TECRL: variants seen among roughly 807,000 people sequenced by gnomAD.
TECRL encodes trans-2,3-enoyl-CoA reductase-like.
A neutral mutation model predicts 52.8 loss-of-function variants in TECRL; 63 were observed. The ratio of observed to expected loss-of-function variants is 1.19; its 90% confidence interval spans 0.97 to 1.47. The LOEUF (loss-of-function observed/expected upper bound fraction) is 1.47. Among genes scored for constraint, TECRL ranks in the 40% most tolerant of loss-of-function variants. The pLI is 0.00. For missense variants in TECRL, 482 were observed against 429.6 expected, an observed-to-expected ratio of 1.12 and a Z score of -1.08; for synonymous variants, 164 against 141.9, an observed-to-expected ratio of 1.16 and a Z score of -1.10.
intron 4 of TECRL, 104 bp from the exon 5 acceptor site, chr4:64,314,867 A>C (rs1663400625): frequency 1.3e-6 from 1 of 784,480 alleles, no homozygotes; most frequent in Admixed American, 2.5e-5. Context: ...TGAAACAGGT[A>C]GATTTTTTGT....
At chr4:64,399,393 AAAAG>A (rs1371355138) in intron 1 of TECRL, among the ~76,000 whole-genome samples, 3 of 152,352 alleles carry the variant, frequency 2.0e-5, no homozygotes, top group South Asian at 4.1e-4. Context: ...CATAGAAAAA[AAAAG>A]AGTTTTTTGA....
intron 2 of TECRL, among the ~76,000 whole-genome samples, chr4:64,371,677 C>G (rs1021340526): frequency 6.6e-6 from 1 of 151,682 alleles, no homozygotes; most frequent in East Asian, 1.9e-4. Flanking sequence ...CAGGCAGAAA[C>G]ATTTTTCTCA....
At chr4:64,281,448 A>G in intron 10 of TECRL, 26 bp downstream of exon 10, 1 of 1,362,300 alleles carries the variant, frequency 7.3e-7, no homozygotes, top group Non-Finnish European at 1.0e-6. Flanking sequence ...ATAGGATTCA[A>G]GCATTTACAT....
chr4:64,296,750 CT>C (rs1723708509), intron 8 of TECRL, among the ~76,000 whole-genome samples: 1 of 151,360 alleles, frequency 6.6e-6, no homozygotes, highest in Non-Finnish European at 1.5e-5. Flanking sequence ...TATTTGTTGG[CT>C]TTTGGGTGGA....
intron 1 of TECRL, among the ~76,000 whole-genome samples, chr4:64,402,915 T>C (rs1322692972): frequency 6.6e-6 from 1 of 152,122 alleles, no homozygotes; most frequent in African/African-American, 2.4e-5. Context: ...TAAATCACTC[T>C]GCCTAAAGTA....
chr4:64,386,766 T>C (rs575710497), intron 1 of TECRL, among the ~76,000 whole-genome samples: 34 of 152,316 alleles, frequency 2.2e-4, no homozygotes, highest in Middle Eastern at 6.8e-3. Context: ...CGTTATTTTA[T>C]AATAGGCTTC....
chr4:64,367,516 G>A (rs1721681441), intron 2 of TECRL, among the ~76,000 whole-genome samples: 1 of 151,696 alleles, frequency 6.6e-6, no homozygotes, highest in Admixed American at 6.6e-5. Flanking sequence ...AATACAAAAA[G>A]TGTCATATAT....
At chr4:64,294,819 T>A (rs1723589152) in intron 8 of TECRL, among the ~76,000 whole-genome samples, 1 of 151,962 alleles carries the variant, frequency 6.6e-6, no homozygotes, top group Non-Finnish European at 1.5e-5. Flanking sequence ...TGAATCAATA[T>A]TTCAAAAATA....
intron 2 of TECRL, among the ~76,000 whole-genome samples, chr4:64,343,572 GCA>G (rs1169630784): frequency 1.3e-5 from 2 of 150,822 alleles, no homozygotes; most frequent in African/African-American, 4.9e-5. Context: ...AGATAAACAT[GCA>G]CACACACACA....
intron 2 of TECRL, among the ~76,000 whole-genome samples, chr4:64,373,524 T>C (rs1722127206): frequency 6.6e-6 from 1 of 151,832 alleles, no homozygotes; most frequent in Admixed American, 6.6e-5. Flanking sequence ...AGATTTCAAG[T>C]AATTGTTATG....
At chr4:64,304,787 T>A (rs1724230225) in intron 7 of TECRL, 1 of 152,996 alleles carries the variant, frequency 6.5e-6, no homozygotes, top group Non-Finnish European at 1.5e-5. Flanking sequence ...TTGGCCCTAT[T>A]TTTTGTTGAA....
At chr4:64,301,279 A>T (rs1292592802) in intron 7 of TECRL, among the ~76,000 whole-genome samples, 1 of 151,238 alleles carries the variant, frequency 6.6e-6, no homozygotes, top group African/African-American at 2.4e-5. Flanking sequence ...ACATTTTTAT[A>T]ATATTTGATA....
Position 64,314,695 on chromosome 4 carries a change from T to A in TECRL, c.504A>T (p.Ile168=), listed in dbSNP as rs202210809. 1 of 1,613,680 alleles carries A rather than the reference T, an allele frequency of 6.2e-7. No homozygotes were observed. The highest frequency in any genetic ancestry group is 2.2e-5 in the East Asian group (1 of 44,826). Residue 168 remains isoleucine (I), a synonymous_variant, in exon 5 of 12, where the codon ATA becomes ATT. Coordinates refer to ENST00000381210, the MANE Select transcript of TECRL (RefSeq NM_001010874.5). The part of the protein sequence containing the change: ...YLLFYLRIPC[I]YDGKESARRL... The stretch of plus-strand genomic sequence containing the variant: ...TTCTAGCACTCTCTTTTCCATCATA[T>A]ATACATGGGATCCTCAAATAAAAGA...
chr4:64,376,174 C>T (rs1233075061), intron 1 of TECRL, among the ~76,000 whole-genome samples: 1 of 151,832 alleles, frequency 6.6e-6, no homozygotes, highest in African/African-American at 2.4e-5. Flanking sequence ...AGTATAACAA[C>T]AAATACATTT....
rs148513076 is a variant in TECRL at position 64,295,659 on chromosome 4, C to T, written c.774+4315G>A. Among the ~76,000 whole-genome samples the T allele has an allele frequency of 8.2e-4, 125 of 151,838 alleles. 1 individual carries two copies. The highest frequency in any genetic ancestry group is 2.8e-3 in the African/African-American group (115 of 41,548). On this transcript the variant is annotated intron_variant, in intron 8 of 11. Transcript: ENST00000381210. ...TTTGAAAACATTCATGATTTTTTCA[C>T]AGGAGTTCTTTTTACATTAGATTCG...
At chr4:64,320,065 A>G (rs1424879924) in intron 4 of TECRL, among the ~76,000 whole-genome samples, 2 of 151,938 alleles carry the variant, frequency 1.3e-5, no homozygotes, top group Non-Finnish European at 2.9e-5. Context: ...GTATAGAATT[A>G]CACATTAACT....
intron 6 of TECRL, among the ~76,000 whole-genome samples, chr4:64,309,199 A>G (rs762478492): frequency 2.9e-4 from 44 of 152,328 alleles, no homozygotes; most frequent in Middle Eastern, 3.4e-3. Flanking sequence ...CGATATTACA[A>G]AGCAGATATT....
intron 1 of TECRL, among the ~76,000 whole-genome samples, chr4:64,389,027 G>A (rs539583494): frequency 3.3e-5 from 5 of 151,790 alleles, no homozygotes; most frequent in African/African-American, 9.6e-5. Context: ...GGTTTTTCCA[G>A]ACCAATTATT....
At position 64,279,120 on chromosome 4, in the gene TECRL, T is replaced by G. The variant is rs1722690046; in HGVS notation, c.*952A>C. ...GATTTCCTTTTTCCAGTAATGGTATTGCTGGATCATATGATAGTTCTATTT... is the reference window on the plus strand; with the variant it reads ...GATTTCCTTTTTCCAGTAATGGTATGGCTGGATCATATGATAGTTCTATTT... On this transcript the variant is annotated 3_prime_UTR_variant, in exon 12 of 12. Transcript: ENST00000381210. 1 of 152,202 alleles carries G rather than the reference T, an allele frequency of 6.6e-6. No individual in the cohort carries two copies. Among genetic ancestry groups the G allele is most frequent in the South Asian group, 2.1e-4 (1 of 4,834 alleles). The allele number at this position is 152,202 out of a possible 1,614,324, so 9.4% of individuals were successfully genotyped here. A position where few individuals can be genotyped will look rare whatever the true frequency, so the allele number is the denominator to read the frequency against.
Sources: gnomAD v4.1 joint callset for allele counts (sites outside exome capture counted in the v4.1 genomes callset) on GRCh38, gnomAD v4.1.1 for gene constraint, MANE v1.5 for transcripts, NCBI Gene and HGNC (gene_info 2026-07-23, HGNC 2026-07-21) for gene names.